Variants in LIG1 observed in about 807,000 individuals in gnomAD.
LIG1 encodes the protein ligase I, DNA, ATP-dependent.
Under a neutral mutation model 115.7 loss-of-function variants are expected in LIG1, and 70 were observed. That is an observed-to-expected ratio of 0.60 (90% CI 0.50 to 0.74). The LOEUF (loss-of-function observed/expected upper bound fraction) is 0.74, where lower values mean the gene tolerates loss of function less well. Ranked by LOEUF, LIG1 falls within the 30% of genes least tolerant of loss-of-function variation. LIG1 has a pLI of 0.00. For missense variants in LIG1, 1,115 were observed against 1,225.6 expected (o/e 0.91, Z 1.35); for synonymous variants, 487 against 495.3 (o/e 0.98, Z 0.22).
intron 1 of LIG1, among the ~76,000 whole-genome samples, chr19:48,168,639 G>A (rs149307407): frequency 3.3e-4 from 50 of 152,304 alleles, no homozygotes; most frequent in African/African-American, 1.2e-3. Context: ...CTGGTGGAAT[G>A]TCTACCCTTA....
At chr19:48,143,505 C>CGCGGGGGGGGGGGGGGGGGGGGGGGGGGG in intron 11 of LIG1, 38 bp downstream of exon 11, 3 of 850,466 alleles carry the variant, frequency 3.5e-6, no homozygotes, top group Non-Finnish European at 6.1e-6. Context: ...GACCCAGAAG[C>CGCGGGGGGGGGGGGGGGGGGGGGGGGGGG]GACCCCGCCC....
rs1384213379 is a variant in LIG1, at chr19:48,153,773, C to T, written c.466+99G>A. 952 of 340,086 alleles carry T rather than the reference C, an allele frequency of 2.8e-3. 27 individuals are homozygous for T. Among genetic ancestry groups the T allele is most frequent in the African/African-American group, 0.023 (368 of 15,736 alleles). The allele number at this position is 340,086 out of a possible 1,614,324, so 21.1% of individuals were successfully genotyped here. On this transcript the variant is annotated intron_variant, in intron 6 of 27. Coordinates refer to ENST00000263274, the MANE Select transcript of LIG1 (RefSeq NM_000234.3). ...ACACACACACACACACACACACACA[C>T]CTCTCCTTCTGGGGGCTCACCTTCC... is the stretch of plus-strand genomic sequence containing the variant.
chr19:48,133,084 T>C lies in LIG1; in HGVS notation c.1623A>G (p.Lys541=). 3 of 1,612,312 alleles carry C rather than the reference T, an allele frequency of 1.9e-6. No homozygotes were observed. The highest frequency in any genetic ancestry group is 2.5e-6 in the Non-Finnish European group (3 of 1,178,410). Reference sequence around the variant, plus strand: ...CCCGGGTGGGATGGGCCAACATTGGTTTCAGGGGAATCCCTGGGAAAGGAG... The same window carrying C: ...CCCGGGTGGGATGGGCCAACATTGGCTTCAGGGGAATCCCTGGGAAAGGAG... The part of the protein sequence containing the change: ...HCKLSPGIPL[K]PMLAHPTRGI... The change falls in exon 18 of 28, where the codon AAA becomes AAG. Residue 541 remains lysine, a synonymous_variant. Coordinates refer to ENST00000263274, the MANE Select transcript of LIG1 (RefSeq NM_000234.3).
chr19:48,117,059 C>CT (rs1320976877), intron 26 of LIG1, among the ~76,000 whole-genome samples: 1 of 152,126 alleles, frequency 6.6e-6, no homozygotes, highest in East Asian at 1.9e-4. Context: ...GTCTTGAACT[C>CT]CTGACCTCAA....
intron 6 of LIG1, among the ~76,000 whole-genome samples, chr19:48,152,734 T>C (rs1387831405): frequency 1.3e-5 from 2 of 152,196 alleles, no homozygotes; most frequent in Non-Finnish European, 1.5e-5. Flanking sequence ...GCAATGACAT[T>C]GCATCTCTGC....
intron 1 of LIG1, among the ~76,000 whole-genome samples, chr19:48,166,031 T>C (rs2036462880): frequency 6.6e-6 from 1 of 152,218 alleles, no homozygotes; most frequent in Non-Finnish European, 1.5e-5. Context: ...CTTGGGCAGT[T>C]TCTAAGGTAT....
intron 24 of LIG1, 117 bp downstream of exon 24, chr19:48,121,053 G>A (rs775675706): frequency 1.3e-4 from 208 of 1,572,874 alleles, no homozygotes; most frequent in Non-Finnish European, 1.6e-4. Context: ...TGGGGAGAAC[G>A]GATCCTTCAC....
At chr19:48,154,215 C>T (rs2035690770) in intron 5 of LIG1, 4 of 499,766 alleles carry the variant, frequency 8.0e-6, no homozygotes, top group Non-Finnish European at 1.5e-5. Flanking sequence ...TAGAAATAAT[C>T]CCCACGAGTA....
chr19:48,135,374 C>T (rs1169766569), intron 16 of LIG1, among the ~76,000 whole-genome samples: 1 of 152,172 alleles, frequency 6.6e-6, no homozygotes, highest in Non-Finnish European at 1.5e-5. Flanking sequence ...CTGCCTGCTT[C>T]AGGCTCCCAA....
chr19:48,132,922 C>G, intron 18 of LIG1, 60 bp downstream of exon 18: 1 of 1,279,650 alleles, frequency 7.8e-7, no homozygotes, highest in East Asian at 2.3e-5. Flanking sequence ...TCAGTGACCC[C>G]ACACCCCTGC....
intron 2 of LIG1, among the ~76,000 whole-genome samples, chr19:48,164,538 G>T (rs2036369670): frequency 1.3e-5 from 2 of 152,212 alleles, no homozygotes; most frequent in Non-Finnish European, 2.9e-5. Context: ...CTGGTTCAGG[G>T]ATAGGTATGT....
chr19:48,156,999 C>A lies in LIG1; in HGVS notation c.370+15G>T, dbSNP rs1203053790. On this transcript the variant is annotated intron_variant, in intron 5 of 27. Coordinates refer to ENST00000263274, the MANE Select transcript of LIG1 (RefSeq NM_000234.3). ...AGGCAGGCGACTGAAGGGGCAGGGG[C>A]CCGTGTGTTCTCACCTGTGCGACGC... is the stretch of plus-strand genomic sequence containing the variant. The A allele has an allele frequency of 1.5e-6, 2 of 1,334,964 alleles. No homozygotes were observed. The allele number at this position is 1,334,964 out of a possible 1,614,324, so 82.7% of individuals were successfully genotyped here.
chr19:48,121,048 A>G (rs1287840082), intron 24 of LIG1, 122 bp downstream of exon 24: 5 of 1,560,342 alleles, frequency 3.2e-6, no homozygotes. Context: ...AAAACTGGGG[A>G]GAACGGATCC....
Position 48,127,319 on chromosome 19 carries a change from C to G in LIG1, c.1962G>C (p.Gln654His), listed in dbSNP as rs2033733870. ...KEVDASEIQV[Q>H]VCLYAFDLIY... ...TGAGGTCGAAGGCGTACAAACACAC[C>G]TGCACCTGGATCTCAGACGCATCCA... Residue 654 changes from glutamine (Q) to histidine (H), a missense_variant, in exon 21 of 28, where the codon CAG (glutamine) becomes CAC (histidine). Gln to His is a conservative substitution (Grantham distance 24). Transcript: ENST00000263274. 3.7e-6 allele frequency: 6 copies of G among 1,613,732 alleles called. No individual in the cohort carries two copies. The Admixed American group carries it at 8.3e-5, about 22-fold the overall frequency.
intron 11 of LIG1, among the ~76,000 whole-genome samples, chr19:48,141,440 C>A (rs1188415383): frequency 1.3e-5 from 2 of 152,194 alleles, no homozygotes; most frequent in African/African-American, 2.4e-5. Flanking sequence ...CCCTTTGCAC[C>A]TTTTAACTCA....
intron 1 of LIG1, among the ~76,000 whole-genome samples, chr19:48,168,651 G>T (rs1440499351): frequency 6.6e-6 from 1 of 152,124 alleles, no homozygotes; most frequent in Non-Finnish European, 1.5e-5. Flanking sequence ...CTACCCTTAG[G>T]GAACTGGTTC....
chr19:48,157,796 C>T (rs1457164542), intron 4 of LIG1, among the ~76,000 whole-genome samples: 2 of 152,222 alleles, frequency 1.3e-5, no homozygotes, highest in African/African-American at 4.8e-5. Context: ...ATCCTCCCGC[C>T]TTGGCCTCCA....
rs145356722 is a variant in LIG1, at chr19:48,141,486, A to G, written c.915-1343T>C. Among the ~76,000 whole-genome samples, 329 of 152,300 alleles carry G rather than the reference A, an allele frequency of 2.2e-3. 1 individual carries two copies. Among genetic ancestry groups the G allele is most frequent in the African/African-American group, 7.5e-3 (312 of 41,566 alleles). ...ACAGCTCCCCTCTGAGGTAGGTACC[A>G]TTATTATTTCCATTTTACGGATAAA... On this transcript the variant is annotated intron_variant, in intron 11 of 27. Transcript: ENST00000263274.
At chr19:48,152,798 C>A (rs778580309) in intron 6 of LIG1, among the ~76,000 whole-genome samples, 1 of 152,152 alleles carries the variant, frequency 6.6e-6, no homozygotes, top group Non-Finnish European at 1.5e-5. Context: ...GTACAAAAAT[C>A]AACATAGAAC....
Sources: allele counts gnomAD v4.1 joint callset (sites outside exome capture counted in the v4.1 genomes callset), GRCh38; gene constraint gnomAD v4.1.1; transcripts MANE v1.5; gene names NCBI Gene and HGNC (gene_info 2026-07-23, HGNC 2026-07-21).